Variants in KCNIP4 observed in about 807,000 individuals in gnomAD.
The protein encoded by KCNIP4 is potassium voltage-gated channel interacting protein 4, also known as Kv channel-interacting protein 4.
A neutral mutation model predicts 34.0 loss-of-function variants in KCNIP4; 12 were observed. That is an observed-to-expected ratio of 0.35 (90% CI 0.23 to 0.57). KCNIP4 has a LOEUF of 0.57. Among genes scored for constraint, KCNIP4 ranks in the 20% least tolerant of loss-of-function variants. KCNIP4 has a pLI of 0.83. For missense variants in KCNIP4, 238 were observed against 311.7 expected (o/e 0.76, Z 1.78); for synonymous variants, 124 against 102.2 (o/e 1.21, Z -1.29).
At chr4:21,873,244 G>A (rs1725914043) in intron 1 of KCNIP4, among the ~76,000 whole-genome samples, 1 of 152,164 alleles carries the variant, frequency 6.6e-6, no homozygotes. Context: ...AAACGAGCTT[G>A]TAGTAAAAAG....
chr4:21,410,517 G>A (rs1019360551), intron 1 of KCNIP4, among the ~76,000 whole-genome samples: 3 of 152,116 alleles, frequency 2.0e-5, no homozygotes, highest in African/African-American at 7.2e-5. Context: ...AACCCACATA[G>A]TAGAACGGAG....
chr4:21,150,084 G>C (rs1355409119), intron 1 of KCNIP4, among the ~76,000 whole-genome samples: 1 of 152,196 alleles, frequency 6.6e-6, no homozygotes, highest in African/African-American at 2.4e-5. Flanking sequence ...AGTACGTAGA[G>C]TCAAATGTTA....
At chr4:20,974,182 C>T (rs986172176) in intron 1 of KCNIP4, among the ~76,000 whole-genome samples, 2 of 152,162 alleles carry the variant, frequency 1.3e-5, no homozygotes, top group African/African-American at 4.8e-5. Context: ...TATCATTGAG[C>T]CTGGGTAACA....
At chr4:20,862,443 A>C (rs955768506) in intron 2 of KCNIP4, among the ~76,000 whole-genome samples, 2 of 152,170 alleles carry the variant, frequency 1.3e-5, no homozygotes, top group African/African-American at 4.8e-5. Context: ...TTGAACTTAC[A>C]CATAAAGACA....
intron 1 of KCNIP4, among the ~76,000 whole-genome samples, chr4:21,797,299 C>A (rs1473848162): frequency 6.6e-6 from 1 of 152,054 alleles, no homozygotes; most frequent in Non-Finnish European, 1.5e-5. Context: ...TGCCACTGTG[C>A]CCAAGTTATT....
At chr4:21,076,392 A>G (rs999002092) in intron 1 of KCNIP4, among the ~76,000 whole-genome samples, 2 of 152,132 alleles carry the variant, frequency 1.3e-5, no homozygotes, top group African/African-American at 4.8e-5. Context: ...CCTGTGCCAC[A>G]AAATTAGGCA....
At position 20,850,584 on chromosome 4, in the gene KCNIP4, T is replaced by C; in HGVS notation, c.247A>G (p.Thr83Ala). The stretch of plus-strand genomic sequence containing the variant: ...TAAAGGATCTGAAGCTCTTTCTTGG[T>C]AAATTTGCTCTGGGCTTCCAGAAGC... ...LELLEAQSKFTKKELQILYRG... is the reference protein window; with the variant it reads ...LELLEAQSKFAKKELQILYRG... The change falls in exon 3 of 9, where the codon ACC (threonine) becomes GCC (alanine). Residue 83 changes from threonine to alanine, a missense_variant. By Grantham distance (58) the Thr-to-Ala change is moderately conservative (BLOSUM62 0). Transcript: ENST00000382152. 6.2e-7 allele frequency: 1 copy of C among 1,612,950 alleles called. No individual in the cohort carries two copies. Among genetic ancestry groups the C allele is most frequent in the South Asian group, 1.1e-5 (1 of 91,032 alleles).
intron 1 of KCNIP4, among the ~76,000 whole-genome samples, chr4:21,340,640 G>A (rs1716666196): frequency 6.6e-6 from 1 of 151,474 alleles, no homozygotes. Context: ...ATCACTATAT[G>A]CCCTGCTGAT....
At chr4:21,235,408 C>A (rs1034869075) in intron 1 of KCNIP4, among the ~76,000 whole-genome samples, 3 of 152,088 alleles carry the variant, frequency 2.0e-5, no homozygotes, top group African/African-American at 7.2e-5. Context: ...AGCCTTCTTC[C>A]CTTTTGTCAA....
intron 1 of KCNIP4, among the ~76,000 whole-genome samples, chr4:21,166,868 G>A (rs564674417): frequency 1.3e-5 from 2 of 148,600 alleles, no homozygotes; most frequent in African/African-American, 5.0e-5. Flanking sequence ...GAACCTGGGA[G>A]GTGGAGGTTG....
chr4:21,461,639 C>A (rs1027059854), intron 1 of KCNIP4, among the ~76,000 whole-genome samples: 1 of 151,946 alleles, frequency 6.6e-6, no homozygotes, highest in Non-Finnish European at 1.5e-5. Flanking sequence ...AGACTTTTTC[C>A]TAACATTCCC....
chr4:21,862,935 T>C (rs1375837642), intron 1 of KCNIP4, among the ~76,000 whole-genome samples: 5 of 142,212 alleles, frequency 3.5e-5, no homozygotes, highest in Non-Finnish European at 7.5e-5. Flanking sequence ...CACTCCAGCC[T>C]GGGTGACCGA....
At chr4:21,827,969 C>T (rs1252205434) in intron 1 of KCNIP4, among the ~76,000 whole-genome samples, 14 of 149,908 alleles carry the variant, frequency 9.3e-5, no homozygotes, top group African/African-American at 3.2e-4. Flanking sequence ...TAAAACGAGC[C>T]GCTCTAACTT....
chr4:20,951,176 G>A (rs983842379), intron 1 of KCNIP4, among the ~76,000 whole-genome samples: 4 of 152,078 alleles, frequency 2.6e-5, no homozygotes, highest in Admixed American at 2.0e-4. Context: ...GATCATGTGA[G>A]GACACAGTGG....
intron 1 of KCNIP4, among the ~76,000 whole-genome samples, chr4:21,401,460 T>A (rs1301702742): frequency 6.6e-6 from 1 of 152,186 alleles, no homozygotes; most frequent in Non-Finnish European, 1.5e-5. Flanking sequence ...GGGGCAGACC[T>A]ATTAAGGTGC....
intron 1 of KCNIP4, among the ~76,000 whole-genome samples, chr4:21,455,702 C>T (rs1400065464): frequency 6.8e-6 from 1 of 146,928 alleles, no homozygotes; most frequent in Non-Finnish European, 1.5e-5. Flanking sequence ...CTATCTACAA[C>T]ACCCTTTTTT....
At chr4:21,025,714 C>A (rs1219627112) in intron 1 of KCNIP4, among the ~76,000 whole-genome samples, 1 of 151,538 alleles carries the variant, frequency 6.6e-6, no homozygotes, top group African/African-American at 2.4e-5. Flanking sequence ...CCACCACGCC[C>A]GGCTAATTTT....
chr4:21,353,302 G>T (rs926347889), intron 1 of KCNIP4, among the ~76,000 whole-genome samples: 1 of 152,120 alleles, frequency 6.6e-6, no homozygotes, highest in African/African-American at 2.4e-5. Context: ...TGACTTTGAC[G>T]AATTGACAGA....
At chr4:21,064,133 C>T (rs758962003) in intron 1 of KCNIP4, among the ~76,000 whole-genome samples, 6 of 152,110 alleles carry the variant, frequency 3.9e-5, no homozygotes, top group African/African-American at 1.2e-4. Context: ...CAATTTCATA[C>T]TGACAGCCTT....
Sources: gnomAD v4.1 joint callset for allele counts (sites outside exome capture counted in the v4.1 genomes callset) on GRCh38, gnomAD v4.1.1 for gene constraint, MANE v1.5 for transcripts, NCBI Gene and HGNC (gene_info 2026-07-23, HGNC 2026-07-21) for gene names.